The following PCNX2 variants were observed in gnomAD, a reference collection of about 807,000 sequenced individuals.
PCNX2 encodes the protein pecanex-like protein 2.
A neutral mutation model predicts 223.8 loss-of-function variants in PCNX2; 168 were observed. The observed-to-expected ratio is 0.75, with a 90% CI of 0.66 to 0.85. The LOEUF (loss-of-function observed/expected upper bound fraction) is 0.85, where lower values mean the gene tolerates loss of function less well. Ranked by LOEUF, PCNX2 falls within the 40% of genes least tolerant of loss-of-function variation. The pLI is 0.00. For synonymous variants in PCNX2, 1,006 were observed against 1,052.6 expected (o/e 0.96, Z 0.86); for missense variants, 2,507 against 2,675.5 (o/e 0.94, Z 1.39).
rs775575054 is a variant in PCNX2 at position 233,259,235 on chromosome 1, G to T, written c.627C>A (p.Thr209=). The change falls in exon 5 of 34, where the codon ACC becomes ACA. Residue 209 remains threonine (T), a synonymous_variant. Transcript: ENST00000258229. ...CTGGTTTTACAGGTATTACTGACTT[G>T]GTCGTGGTTTCCAGCATGTGTGCTT... The part of the protein sequence containing the change: ...ASQAHMLETT[T]KSVIPVKPVA... The T allele has an allele frequency of 6.2e-7, 1 of 1,613,926 alleles. No homozygotes were observed. The highest frequency in any genetic ancestry group is 8.5e-7 in the Non-Finnish European group (1 of 1,179,872).
intron 17 of PCNX2, among the ~76,000 whole-genome samples, chr1:233,166,465 A>AG (rs1315532318): frequency 3.5e-5 from 2 of 56,726 alleles, no homozygotes; most frequent in African/African-American, 2.3e-4. Context: ...GCCAAAGACT[A>AG]GGGAAAAAAA....
At chr1:233,127,726 A>G (rs1676183144) in intron 21 of PCNX2, among the ~76,000 whole-genome samples, 1 of 152,216 alleles carries the variant, frequency 6.6e-6, no homozygotes, top group Admixed American at 6.5e-5. Flanking sequence ...AATGAGGCAT[A>G]TCCACCCACA....
chr1:232,990,413 C>T lies in PCNX2; in HGVS notation c.5792-3873G>A, dbSNP rs1033542372. ...AATCACATCTTGGAGGGATTCTGGC[C>T]GGGGGATTGGGGCACCAAGGTCATG... On this transcript the variant is annotated intron_variant, in intron 32 of 33. Coordinates refer to ENST00000258229, the MANE Select transcript of PCNX2 (RefSeq NM_014801.4). The surrounding 1 kb of genome is among the most constrained non-coding windows in gnomAD (Gnocchi z 4.3). Among the ~76,000 whole-genome samples, 3 of 152,156 alleles carry T rather than the reference C, an allele frequency of 2.0e-5. No individual in the cohort carries two copies. Among genetic ancestry groups the T allele is most frequent in the Middle Eastern group, 3.4e-3 (1 of 294 alleles).
chr1:233,298,000 C>T (rs1461928166), upstream of PCNX2, among the ~76,000 whole-genome samples: 2 of 152,076 alleles, frequency 1.3e-5, no homozygotes, highest in Non-Finnish European at 2.9e-5. Context: ...GGAAGATTAG[C>T]AGTGAAAGAT....
intron 15 of PCNX2, among the ~76,000 whole-genome samples, chr1:233,190,999 A>G (rs1680392479): frequency 6.6e-6 from 1 of 152,330 alleles, no homozygotes; most frequent in African/African-American, 2.4e-5. Context: ...ATGGAGCCAC[A>G]TTTGGGGAGG....
intron 25 of PCNX2, among the ~76,000 whole-genome samples, chr1:233,028,876 T>C (rs2102839103): frequency 6.6e-6 from 1 of 150,432 alleles, no homozygotes; most frequent in African/African-American, 2.4e-5. Flanking sequence ...TCTCACTCTG[T>C]CGCCCATGCT....
intron 1 of PCNX2, among the ~76,000 whole-genome samples, chr1:233,273,838 TG>T (rs1660778373): frequency 6.6e-6 from 1 of 152,132 alleles, no homozygotes; most frequent in Non-Finnish European, 1.5e-5. Flanking sequence ...TTGGCCAGGC[TG>T]GTCTCAAACT....
At chr1:233,012,545 GA>G (rs1240218187) in intron 28 of PCNX2, among the ~76,000 whole-genome samples, 1 of 152,094 alleles carries the variant, frequency 6.6e-6, no homozygotes, top group Non-Finnish European at 1.5e-5. Flanking sequence ...ATACTGAGAG[GA>G]TTCTCCCCAG....
intron 15 of PCNX2, among the ~76,000 whole-genome samples, chr1:233,184,167 C>A (rs1057127681): frequency 1.3e-4 from 20 of 152,304 alleles, no homozygotes; most frequent in African/African-American, 4.8e-4. Flanking sequence ...CATAGGAAGA[C>A]CCTGGAAGAA....
chr1:233,063,003 A>T (rs991546613), intron 23 of PCNX2, among the ~76,000 whole-genome samples: 2 of 152,218 alleles, frequency 1.3e-5, no homozygotes, highest in African/African-American at 2.4e-5. Flanking sequence ...TGGGAGGCTG[A>T]GGTGGGTGGA....
chr1:233,299,151 G>A (rs993883215), upstream of PCNX2, among the ~76,000 whole-genome samples: 3 of 152,044 alleles, frequency 2.0e-5, no homozygotes, highest in East Asian at 1.9e-4. Flanking sequence ...GATCTCAGCC[G>A]ATGAAACCAC....
At chr1:233,004,641 C>T (rs1309735000) in intron 28 of PCNX2, among the ~76,000 whole-genome samples, 7 of 152,132 alleles carry the variant, frequency 4.6e-5, no homozygotes, top group African/African-American at 9.7e-5. Flanking sequence ...TCTCTGAGGA[C>T]GGCTGCTCCT....
intron 15 of PCNX2, among the ~76,000 whole-genome samples, chr1:233,196,341 C>A (rs997944336): frequency 2.6e-5 from 4 of 151,228 alleles, no homozygotes; most frequent in African/African-American, 4.9e-5. Flanking sequence ...ATAAAAAAAA[C>A]CCATAAAATA....
At chr1:232,984,842 C>G (rs1558141208) in intron 33 of PCNX2, 1 of 180,544 alleles carries the variant, frequency 5.5e-6, no homozygotes, top group Admixed American at 6.1e-5. Flanking sequence ...AGGCTTGACC[C>G]CAGTAGAACA....
Position 233,253,368 on chromosome 1 carries a change from T to C in PCNX2, c.1835-580A>G, listed in dbSNP as rs1659564157. On this transcript the variant is annotated intron_variant, in intron 5 of 33. Coordinates refer to ENST00000258229, the MANE Select transcript of PCNX2 (RefSeq NM_014801.4). The surrounding 1 kb of genome is among the most constrained non-coding windows in gnomAD (Gnocchi z 4.2). ...TTGTTTGAGACAGGGTCTGGCCCTGTTGCCAAGGCTGGAGGCTGGAGGCTG... is the reference window on the plus strand; with the variant it reads ...TTGTTTGAGACAGGGTCTGGCCCTGCTGCCAAGGCTGGAGGCTGGAGGCTG... Among the ~76,000 whole-genome samples the C allele has an allele frequency of 6.6e-6, 1 of 152,138 alleles. No homozygotes were observed. The highest frequency in any genetic ancestry group is 2.4e-5 in the African/African-American group (1 of 41,416).
chr1:233,122,175 C>G (rs2102738140), intron 21 of PCNX2, among the ~76,000 whole-genome samples: 1 of 151,702 alleles, frequency 6.6e-6, no homozygotes, highest in South Asian at 2.1e-4. Flanking sequence ...AACTGGAGAG[C>G]TCCAAGTAGC....
chr1:233,024,729 TCTC>T (rs1233771899), intron 26 of PCNX2, among the ~76,000 whole-genome samples: 1 of 152,196 alleles, frequency 6.6e-6, no homozygotes, highest in Admixed American at 6.5e-5. Context: ...CATTTTGAGT[TCTC>T]CTTATGAGCT....
At chr1:233,015,556 A>G (rs1670624879) in intron 27 of PCNX2, among the ~76,000 whole-genome samples, 1 of 151,948 alleles carries the variant, frequency 6.6e-6, no homozygotes, top group Non-Finnish European at 1.5e-5. Flanking sequence ...AAAATTAGCC[A>G]GGCATGGTGG....
At chr1:233,200,303 A>G (rs1680995939) in intron 13 of PCNX2, 39 bp from the exon 14 acceptor site, 1 of 1,440,024 alleles carries the variant, frequency 6.9e-7, no homozygotes, top group African/African-American at 1.4e-5. Context: ...AAGCATGGGG[A>G]ACTGTGTTGC....
Sources: allele counts gnomAD v4.1 joint callset (sites outside exome capture counted in the v4.1 genomes callset), GRCh38; gene constraint gnomAD v4.1.1; non-coding constraint Gnocchi (gnomAD v3.1); transcripts MANE v1.5; gene names NCBI Gene and HGNC (gene_info 2026-07-23, HGNC 2026-07-21).